MGAT4C: variants seen among roughly 807,000 people sequenced by gnomAD.
MGAT4C encodes alpha-1,3-mannosyl-glycoprotein 4-beta-N-acetylglucosaminyltransferase C.
MGAT4C carries 19 observed loss-of-function variants against 40.1 expected under a neutral mutation model. The ratio of observed to expected loss-of-function variants is 0.47; its 90% confidence interval spans 0.33 to 0.70. MGAT4C has a LOEUF of 0.70. Among genes scored for constraint, MGAT4C ranks in the 30% least tolerant of loss-of-function variants. The pLI, the probability that MGAT4C is intolerant of heterozygous loss-of-function variation, is 0.02. For synonymous variants in MGAT4C, 181 were observed against 187.1 expected (o/e 0.97, Z 0.27); for missense variants, 491 against 563.2 (o/e 0.87, Z 1.30).
intron 1 of MGAT4C, among the ~76,000 whole-genome samples, chr12:86,199,434 G>T (rs1400420567): frequency 6.6e-6 from 1 of 152,066 alleles, no homozygotes; most frequent in Non-Finnish European, 1.5e-5. Context: ...TCAGTGCTCA[G>T]TCCATTGTAT....
chr12:86,236,030 A>AT (rs1287356796), intron 1 of MGAT4C, among the ~76,000 whole-genome samples: 2 of 152,006 alleles, frequency 1.3e-5, no homozygotes, highest in African/African-American at 2.4e-5. Context: ...AAAAATCTGT[A>AT]TTTTTTTCTT....
At chr12:86,268,222 G>A (rs1459811565) in intron 4 of MGAT4C, among the ~76,000 whole-genome samples, 1 of 152,050 alleles carries the variant, frequency 6.6e-6, no homozygotes, top group East Asian at 1.9e-4. Context: ...AAATTTTACA[G>A]ATGTGAAAAA....
chr12:86,557,753 T>C (rs762866816), intron 2 of MGAT4C, among the ~76,000 whole-genome samples: 6 of 152,156 alleles, frequency 3.9e-5, no homozygotes, highest in Non-Finnish European at 7.3e-5. Flanking sequence ...GGCCAATCCA[T>C]TAAATTGGGA....
At chr12:86,732,551 G>A (rs1374285415) in intron 1 of MGAT4C, among the ~76,000 whole-genome samples, 1 of 152,092 alleles carries the variant, frequency 6.6e-6, no homozygotes, top group Non-Finnish European at 1.5e-5. Flanking sequence ...TAAGGCGTGT[G>A]CAACCTATAT....
At chr12:86,688,157 C>CTTTTTTTTTTTTTTTTTTTTTTTTTTTTT (rs55637680) in intron 2 of MGAT4C, among the ~76,000 whole-genome samples, 1 of 65,188 alleles carries the variant, frequency 1.5e-5, no homozygotes, top group Non-Finnish European at 2.6e-5. Context: ...GCAACCCCTG[C>CTTTTTTTTTTTTTTTTTTTTTTTTTTTTT]TTTTTTTTTT....
At position 86,796,710 on chromosome 12, in the gene MGAT4C, A is replaced by G. The variant is rs187335086; in HGVS notation, c.-262+41956T>C. ...TCAGCACAAAAATGGTAACAATGTG[A>G]GGAAACGCATATGTTAATTACCTAG... On this transcript the variant is annotated intron_variant, in intron 1 of 7. Coordinates refer to the MGAT4C transcript ENST00000548651. Among the ~76,000 whole-genome samples, 14 of 152,100 alleles carry G rather than the reference A, an allele frequency of 9.2e-5. No individual in the cohort carries two copies. The East Asian group carries it at 2.5e-3, about 27-fold the overall frequency.
chr12:86,474,515 T>TATA (rs56065913), intron 2 of MGAT4C, among the ~76,000 whole-genome samples: 15,138 of 151,190 alleles, frequency 0.1, 977 homozygotes, highest in Middle Eastern at 0.24. Context: ...AAACTTAGAG[T>TATA]ATAATAATAA....
intron 1 of MGAT4C, among the ~76,000 whole-genome samples, chr12:86,824,418 A>C (rs1225023690): frequency 1.3e-5 from 2 of 151,492 alleles, no homozygotes; most frequent in Non-Finnish European, 3.0e-5. Context: ...TAAGGAAAAA[A>C]ATAAATTTGT....
chr12:86,090,740 C>A (rs531921891), intron 1 of MGAT4C, among the ~76,000 whole-genome samples: 18 of 151,932 alleles, frequency 1.2e-4, no homozygotes, highest in African/African-American at 3.1e-4. Flanking sequence ...GCTTGGACTT[C>A]TTCTCCAGAT....
At chr12:85,994,315 TAA>T (rs1387495376) in intron 2 of MGAT4C, among the ~76,000 whole-genome samples, 1 of 152,136 alleles carries the variant, frequency 6.6e-6, no homozygotes, top group Non-Finnish European at 1.5e-5. Context: ...AGAATACAAA[TAA>T]AGTTTCCATG....
At chr12:86,386,383 T>C (rs1592773970) in intron 3 of MGAT4C, among the ~76,000 whole-genome samples, 1 of 152,074 alleles carries the variant, frequency 6.6e-6, no homozygotes, top group Non-Finnish European at 1.5e-5. Flanking sequence ...CCTAAAAAAA[T>C]GGGGCCTGCC....
At chr12:86,749,508 T>C (rs531318789) in intron 1 of MGAT4C, among the ~76,000 whole-genome samples, 2 of 151,852 alleles carry the variant, frequency 1.3e-5, no homozygotes, top group South Asian at 4.1e-4. Context: ...CAAAATATTA[T>C]AAATTAGGTA....
intron 2 of MGAT4C, among the ~76,000 whole-genome samples, chr12:86,689,808 CA>C (rs1238431768): frequency 1.3e-5 from 2 of 152,178 alleles, no homozygotes; most frequent in Non-Finnish European, 2.9e-5. Flanking sequence ...CCCACTTGAG[CA>C]GGCAGTCTGT....
rs559447497 is a variant in MGAT4C at position 86,383,362 on chromosome 12, G to A, written c.-119-49235C>T. Among the ~76,000 whole-genome samples the A allele has an allele frequency of 1.1e-4, 17 of 152,020 alleles. No individual in the cohort carries two copies. In the East Asian group the frequency reaches 2.9e-3, roughly 26 times the overall value. On this transcript the variant is annotated intron_variant, in intron 3 of 7. Transcript: ENST00000548651. ...AGGTCAAGAGATCGAGACCATCCTG[G>A]CCAACATGGTGAAACCCCATCTCTA...
chr12:85,980,305 G>T lies in MGAT4C; in HGVS notation c.421C>A (p.Leu141Ile), dbSNP rs539968414. Residue 141 changes from leucine (L) to isoleucine (I), a missense_variant, in exon 5 of 5, where the codon CTA (leucine) becomes ATA (isoleucine). Coordinates refer to ENST00000611864, the MANE Select transcript of MGAT4C (RefSeq NM_001351288.2). ...ELKEISVVVH[L>I]ADFNSSWRDA... is the part of the protein sequence containing the mutation. Reference sequence around the variant, plus strand: ...CGCCAGGAAGAATTAAAGTCTGCTAGGTGAACCACCACTGAAATTTCCTTC... The same window carrying T: ...CGCCAGGAAGAATTAAAGTCTGCTATGTGAACCACCACTGAAATTTCCTTC... The T allele has an allele frequency of 8.1e-6, 13 of 1,613,906 alleles. No homozygotes were observed. In the East Asian group the frequency reaches 2.9e-4, roughly 36 times the overall value.
At position 85,963,016 on chromosome 12, in the gene MGAT4C, A is replaced by G. The variant is rs1883192614; in HGVS notation, c.*16273T>C. 6.6e-6 allele frequency: 1 copy of G among 151,822 alleles called. No homozygotes were observed. The highest frequency in any genetic ancestry group is 1.5e-5 in the Non-Finnish European group (1 of 67,810). The allele number at this position is 151,822 out of a possible 1,614,324, so 9.4% of individuals were successfully genotyped here. The stretch of plus-strand genomic sequence containing the variant: ...ATCTTTTTAAGTGGCAAATTGTCCA[A>G]AAGAATTTAATTAATATAAACAATA... On this transcript the variant is annotated 3_prime_UTR_variant, in exon 5 of 5. Transcript: ENST00000611864.
chr12:86,589,108 C>A (rs1423337832), intron 2 of MGAT4C, among the ~76,000 whole-genome samples: 10 of 151,670 alleles, frequency 6.6e-5, no homozygotes, highest in Non-Finnish European at 1.3e-4. Context: ...ATTAATGAAT[C>A]CAGGAGCTGG....
intron 2 of MGAT4C, among the ~76,000 whole-genome samples, chr12:86,004,391 A>G (rs553958035): frequency 3.9e-5 from 6 of 152,084 alleles, no homozygotes; most frequent in Non-Finnish European, 7.4e-5. Flanking sequence ...AAAATAGCCA[A>G]ATTATCTTGT....
At chr12:86,391,756 A>C (rs1956164438) in intron 3 of MGAT4C, among the ~76,000 whole-genome samples, 1 of 152,030 alleles carries the variant, frequency 6.6e-6, no homozygotes, top group African/African-American at 2.4e-5. Context: ...GCTACTCAGG[A>C]GGCTGAGGCA....
Sources: gnomAD v4.1 joint callset for allele counts (sites outside exome capture counted in the v4.1 genomes callset) on GRCh38, gnomAD v4.1.1 for gene constraint, MANE v1.5 for transcripts, NCBI Gene and HGNC (gene_info 2026-07-23, HGNC 2026-07-21) for gene names.